Variants in COL17A1 observed in about 807,000 individuals in gnomAD.
COL17A1 encodes collagen alpha-1(XVII) chain.
In COL17A1, 181 loss-of-function variants were observed where a neutral mutation model predicts 218.4. The observed-to-expected ratio is 0.83, with a 90% CI of 0.73 to 0.94. COL17A1 has a LOEUF of 0.94. Ranked by LOEUF, COL17A1 falls within the 40% of genes least tolerant of loss-of-function variation. The probability of loss-of-function intolerance (pLI) is 0.00; values close to 1 mark genes in which losing one functional copy is unlikely to be tolerated. For missense variants in COL17A1, 1,924 were observed against 1,945.9 expected (o/e 0.99, Z 0.21); for synonymous variants, 721 against 731.0 (o/e 0.99, Z 0.22).
intron 45 of COL17A1, 93 bp downstream of exon 45, chr10:104,038,313 A>T: frequency 1.3e-6 from 2 of 1,540,366 alleles, no homozygotes; most frequent in Non-Finnish European, 1.8e-6. Context: ...CATGTCTCTT[A>T]GCCTCATTTC....
rs1291362931 is a variant in COL17A1, at chr10:104,050,142, G to C, written c.2129-18C>G. The C allele has an allele frequency of 6.2e-7, 1 of 1,614,102 alleles. No homozygotes were observed. The highest frequency in any genetic ancestry group is 8.5e-7 in the Non-Finnish European group (1 of 1,179,998). On this transcript the variant is annotated intron_variant, in intron 27 of 55. Transcript: ENST00000648076. ...CTGGTCACCTAAAGCAAACAAGGGGGAGGTGGAAAAAGCCACAGTTGTGAG... is the reference window on the plus strand; with the variant it reads ...CTGGTCACCTAAAGCAAACAAGGGGCAGGTGGAAAAAGCCACAGTTGTGAG...
chr10:104,045,942 G>T, intron 32 of COL17A1, 149 bp from the exon 33 acceptor site: 1 of 730,076 alleles, frequency 1.4e-6, no homozygotes, highest in South Asian at 1.5e-5. Context: ...CCTTAGTCTA[G>T]ACAACCCCGG....
At position 104,060,114 on chromosome 10, in the gene COL17A1, C is replaced by G; in HGVS notation, c.1141+5G>C. ...GAAACCCAAGCCACACAGGATCTGA[C>G]GCACTTGCAGCGATGCTGGCAGGGG... On this transcript the variant is annotated splice_donor_5th_base_variant and intron_variant, in intron 14 of 55. Transcript: ENST00000648076. 6.2e-7 allele frequency: 1 copy of G among 1,613,980 alleles called. No individual in the cohort carries two copies. Among genetic ancestry groups the G allele is most frequent in the Non-Finnish European group, 8.5e-7 (1 of 1,180,012 alleles).
intron 9 of COL17A1, among the ~76,000 whole-genome samples, chr10:104,069,342 A>T (rs530440392): frequency 3.3e-5 from 5 of 152,316 alleles, no homozygotes; most frequent in Non-Finnish European, 7.3e-5. Flanking sequence ...AAAAAATATT[A>T]ATTCGGACAA....
intron 27 of COL17A1, among the ~76,000 whole-genome samples, chr10:104,050,399 G>A (rs553008935): frequency 6.6e-6 from 1 of 152,224 alleles, no homozygotes; most frequent in Non-Finnish European, 1.5e-5. Context: ...GGAATTCTGT[G>A]TCTTCACCAC....
In COL17A1 at chr10:104,077,190, A is replaced by G. The variant is rs2274105; in HGVS notation, c.202+232T>C. On this transcript the variant is annotated intron_variant, in intron 4 of 55. Coordinates refer to ENST00000648076, the MANE Select transcript of COL17A1 (RefSeq NM_000494.4). ...TGGATCTGATTTTAAGTAGGCTTCA[A>G]ATGCTGATGATTTATAATTTGCACC... Among the ~76,000 whole-genome samples, 37 of 152,276 alleles carry G rather than the reference A, an allele frequency of 2.4e-4. No homozygotes were observed. The East Asian group carries it at 6.6e-3, about 27-fold the overall frequency.
rs746720505 is a variant in COL17A1 at position 104,063,737 on chromosome 10, T to G, written c.838+10A>C. On this transcript the variant is annotated intron_variant, in intron 11 of 55. Coordinates refer to ENST00000648076, the MANE Select transcript of COL17A1 (RefSeq NM_000494.4). ...GCCTGGAAAAGTCATCTCAAGATGG[T>G]GACACTGACCTGAGGAGGATGTGCT... 2 of 1,614,102 alleles carry G rather than the reference T, an allele frequency of 1.2e-6. No individual in the cohort carries two copies. The highest frequency in any genetic ancestry group is 1.7e-6 in the Non-Finnish European group (2 of 1,180,008).
rs1234565159 is a variant in COL17A1, at chr10:104,073,265, A to G, written c.380-20T>C. The G allele has an allele frequency of 8.1e-6, 13 of 1,612,114 alleles. No homozygotes were observed. The Admixed American group carries it at 2.2e-4, about 27-fold the overall frequency. On this transcript the variant is annotated intron_variant, in intron 6 of 55. Coordinates refer to ENST00000648076, the MANE Select transcript of COL17A1 (RefSeq NM_000494.4). ...AAGATGCTGAGAAACAAAGAAATGCATTTTTAGGCATATATAAGAGGTGGC... is the reference window on the plus strand; with the variant it reads ...AAGATGCTGAGAAACAAAGAAATGCGTTTTTAGGCATATATAAGAGGTGGC...
In COL17A1 at chr10:104,052,340, C is replaced by T. The variant is rs1456596956; in HGVS notation, c.1940-123G>A. 2.3e-6 allele frequency: 3 copies of T among 1,299,222 alleles called. No individual in the cohort carries two copies. The Admixed American group carries it at 5.2e-5, about 22-fold the overall frequency. The allele number at this position is 1,299,222 out of a possible 1,614,324, so 80.5% of individuals were successfully genotyped here. A position where few individuals can be genotyped will look rare whatever the true frequency, so the allele number is the denominator to read the frequency against. ...CTAGTGGTCTTGGATCCATTTGGTG[C>T]CCCAGTGAGGCCACTTATCAGCAAA... On this transcript the variant is annotated intron_variant, in intron 23 of 55. Coordinates refer to ENST00000648076, the MANE Select transcript of COL17A1 (RefSeq NM_000494.4).
chr10:104,085,706 T>C lies in COL17A1; in HGVS notation c.-12+17A>G, dbSNP rs553913812. 1 of 152,792 alleles carries C rather than the reference T, an allele frequency of 6.5e-6. No homozygotes were observed. The highest frequency in any genetic ancestry group is 6.5e-5 in the Admixed American group (1 of 15,300). The allele number at this position is 152,792 out of a possible 1,614,324, so 9.5% of individuals were successfully genotyped here. ...TCTCAGAGAAAAGGAGAAAGGTCAGTCTTCCTGTTTACTTACCTGGTTTGA... is the reference window on the plus strand; with the variant it reads ...TCTCAGAGAAAAGGAGAAAGGTCAGCCTTCCTGTTTACTTACCTGGTTTGA... On this transcript the variant is annotated intron_variant, in intron 1 of 55. Coordinates refer to ENST00000648076, the MANE Select transcript of COL17A1 (RefSeq NM_000494.4).
rs2274100 is a variant in COL17A1 at position 104,039,114 on chromosome 10, T to C, written c.2904A>G (p.Pro968=). 1,301,379 of 1,613,702 alleles carry C rather than the reference T, an allele frequency of 0.81. 529,996 individuals carry two copies. Among genetic ancestry groups the C allele is most frequent in the Non-Finnish European group, 0.84 (987,574 of 1,179,764 alleles). The part of the protein sequence containing the change: ...PQGPKGDKGD[P]GVPGALGIPS... ...GAATGCCAAGAGCCCCTGGAACACC[T>C]GGATCACCTGGAATCCAAAATGAGA... The change falls in exon 44 of 56, where the codon CCA becomes CCG. Residue 968 remains proline (P), a synonymous_variant. Coordinates refer to ENST00000648076, the MANE Select transcript of COL17A1 (RefSeq NM_000494.4).
chr10:104,065,319 G>A (rs1278263902), intron 9 of COL17A1, among the ~76,000 whole-genome samples: 1 of 152,168 alleles, frequency 6.6e-6, no homozygotes, highest in African/African-American at 2.4e-5. Context: ...GTGAATGGGA[G>A]GGATGTTTCC....
intron 48 of COL17A1, among the ~76,000 whole-genome samples, chr10:104,036,121 A>AGTATGGGAGTGTGAGTATGGGT (rs1171815010): frequency 0.022 from 18 of 802 alleles, 3 homozygotes; most frequent in Admixed American, 0.05. Flanking sequence ...TGTGTATGGG[A>AGTATGGGAGTGTGAGTATGGGT]GTGTGTGTAT....
chr10:104,042,038 C>T (rs989544664), intron 36 of COL17A1, among the ~76,000 whole-genome samples: 5 of 152,206 alleles, frequency 3.3e-5, no homozygotes, highest in African/African-American at 4.8e-5. Context: ...TTCTGCACTC[C>T]AGATGTCCAG....
Position 104,077,503 on chromosome 10 carries a change from C to G in COL17A1, c.121G>C (p.Ala41Pro), listed in dbSNP as rs1204059013. The G allele has an allele frequency of 6.2e-7, 1 of 1,612,974 alleles. No homozygotes were observed. Among genetic ancestry groups the G allele is most frequent in the African/African-American group, 1.3e-5 (1 of 74,896 alleles). ...PPKGGTSNGY[A>P]KTASLGGGSR... ...CCTCCACCAAGAGAGGCTGTTTTAG[C>G]ATAGCCATTGCTGGTCCCGCCTTCT... Residue 41 changes from alanine to proline, a missense_variant, in exon 4 of 56, where the codon GCT becomes CCT. Physicochemically the swap from Ala to Pro is conservative, Grantham distance 27. Transcript: ENST00000648076.
intron 45 of COL17A1, among the ~76,000 whole-genome samples, 175 bp downstream of exon 45, chr10:104,038,231 T>TACACACACACAC (rs59808906): frequency 3.7e-4 from 52 of 142,088 alleles, no homozygotes; most frequent in East Asian, 1.3e-3. Context: ...TAGACACACA[T>TACACACACACAC]ACACACACAC....
In COL17A1 at chr10:104,077,809, G is replaced by C. The variant is rs534964292; in HGVS notation, c.98-283C>G. On this transcript the variant is annotated intron_variant, in intron 3 of 55. Transcript: ENST00000648076. ...TCTCCTGGGTGGAATATAGCAAGTTGCATATTAGGAAATTTTAAATAGTAG... is the reference window on the plus strand; with the variant it reads ...TCTCCTGGGTGGAATATAGCAAGTTCCATATTAGGAAATTTTAAATAGTAG... Among the ~76,000 whole-genome samples the C allele has an allele frequency of 3.2e-4, 48 of 152,332 alleles. 1 individual carries two copies. The South Asian group carries it at 1.0e-2, about 32-fold the overall frequency.
chr10:104,042,463 C>G lies in COL17A1; in HGVS notation c.2516-8G>C. On this transcript the variant is annotated splice_region_variant and splice_polypyrimidine_tract_variant and intron_variant, in intron 35 of 55. Coordinates refer to ENST00000648076, the MANE Select transcript of COL17A1 (RefSeq NM_000494.4). ...CAGCTGGGCCGGCAGGGCCTGGAAA[C>G]GGGGTTGAGGAAGAAAAGGCTAAAT... 1 of 1,614,050 alleles carries G rather than the reference C, an allele frequency of 6.2e-7. No homozygotes were observed. Among genetic ancestry groups the G allele is most frequent in the Non-Finnish European group, 8.5e-7 (1 of 1,179,986 alleles).
chr10:104,035,334 G>C lies in COL17A1; in HGVS notation c.3548C>G (p.Pro1183Arg), dbSNP rs760909079. ...FRGIVGPPGP[P>R]GPPGIPGNVW... ...ATTGCCTGGGATCCCTGGTGGACCCGGGGGACCTGGGGGTCCAACGATGCC... is the reference window on the plus strand; with the variant it reads ...ATTGCCTGGGATCCCTGGTGGACCCCGGGGACCTGGGGGTCCAACGATGCC... The change falls in exon 50 of 56, where the codon CCG (proline) becomes CGG (arginine). Residue 1183 changes from proline to arginine, a missense_variant. By Grantham distance (103) the Pro-to-Arg change is moderately radical. Coordinates refer to ENST00000648076, the MANE Select transcript of COL17A1 (RefSeq NM_000494.4). 1.2e-6 allele frequency: 2 copies of C among 1,614,170 alleles called. No homozygotes were observed. Among genetic ancestry groups the C allele is most frequent in the South Asian group, 2.2e-5 (2 of 91,082 alleles).
Sources: allele counts gnomAD v4.1 joint callset (sites outside exome capture counted in the v4.1 genomes callset), GRCh38; gene constraint gnomAD v4.1.1; transcripts MANE v1.5; gene names NCBI Gene and HGNC (gene_info 2026-07-23, HGNC 2026-07-21).